Variants in DCAF8L2 observed in about 807,000 individuals in gnomAD.
DCAF8L2 encodes DDB1 and CUL4 associated factor 8 like 2.
For synonymous variants in DCAF8L2, 200 were observed against 190.9 expected (o/e 1.05, Z -0.39); for missense variants, 430 against 490.7 (o/e 0.88, Z 1.17).
At chrX:27,572,174 C>T in the DCAF8L2 span, among the ~76,000 whole-genome samples, 19 of 111,474 alleles carry the variant, frequency 1.7e-4, no homozygotes, top group Admixed American at 2.9e-4. Context: ...TGTAAGTGTC[C>T]TTGAGTACTC....
chrX:27,542,101 T>C, the DCAF8L2 span, among the ~76,000 whole-genome samples: 19 of 110,650 alleles, frequency 1.7e-4, no homozygotes, highest in African/African-American at 6.3e-4. Context: ...TAATCTACTG[T>C]TGATGAGCAT....
At chrX:27,551,547 G>A in the DCAF8L2 span, among the ~76,000 whole-genome samples, 1 of 111,451 alleles carries the variant, frequency 9.0e-6, no homozygotes, top group Non-Finnish European at 1.9e-5. Flanking sequence ...GCAATGGTCT[G>A]TAACTGAACC....
At chrX:27,551,669 C>CT in the DCAF8L2 span, among the ~76,000 whole-genome samples, 19 of 111,246 alleles carry the variant, frequency 1.7e-4, no homozygotes, top group African/African-American at 4.6e-4. Context: ...GATTTCATTA[C>CT]TTTTTTTATA....
At chrX:27,600,644 G>A (rs1926597631) in intron 1 of DCAF8L2, among the ~76,000 whole-genome samples, 1 of 112,029 alleles carries the variant, frequency 8.9e-6, no homozygotes, top group South Asian at 3.7e-4. Context: ...GGTCACTAAA[G>A]GAAAAGAGTG....
intron 3 of DCAF8L2, among the ~76,000 whole-genome samples, chrX:27,708,153 GCCTCCCTTC>G (rs1187979184): frequency 9.0e-6 from 1 of 110,969 alleles, no homozygotes; most frequent in Non-Finnish European, 1.9e-5. Context: ...TTCAACCCTT[GCCTCCCTTC>G]CCTCTCTAAT....
intron 1 of DCAF8L2, among the ~76,000 whole-genome samples, chrX:27,593,315 C>T (rs1359696138): frequency 1.8e-5 from 2 of 112,300 alleles, no homozygotes; most frequent in Non-Finnish European, 3.8e-5. Context: ...TAAGTGGACT[C>T]ATACAGTGTC....
intron 4 of DCAF8L2, among the ~76,000 whole-genome samples, chrX:27,720,575 T>A (rs1203332913): frequency 9.0e-6 from 1 of 110,649 alleles, no homozygotes; most frequent in Non-Finnish European, 1.9e-5. Context: ...GGGTTTCACC[T>A]TGTTAGCCAG....
At chrX:27,599,866 A>G (rs1926556117) in intron 1 of DCAF8L2, among the ~76,000 whole-genome samples, 1 of 112,256 alleles carries the variant, frequency 8.9e-6, no homozygotes, top group African/African-American at 3.2e-5. Context: ...AATTGATAAA[A>G]CATGTTGTGT....
At chrX:27,472,637 G>A in the DCAF8L2 span, among the ~76,000 whole-genome samples, 1 of 111,355 alleles carries the variant, frequency 9.0e-6, no homozygotes, top group African/African-American at 3.3e-5. Flanking sequence ...GTGAGAACAT[G>A]CGGTGTTTCG....
the DCAF8L2 span, among the ~76,000 whole-genome samples, chrX:27,525,716 C>A: frequency 2.1e-4 from 24 of 111,658 alleles, no homozygotes; most frequent in Non-Finnish European, 5.6e-5. Flanking sequence ...TCCTACAGGG[C>A]AGGCCTGGTG....
chrX:27,525,561 T>A, the DCAF8L2 span, among the ~76,000 whole-genome samples: 3 of 111,893 alleles, frequency 2.7e-5, no homozygotes, highest in African/African-American at 9.8e-5. Flanking sequence ...GTGAATTTGA[T>A]CTTGTCATTA....
Position 27,693,058 on chromosome X carries a change from G to A in DCAF8L2, c.-143+15146G>A, listed in dbSNP as rs139150704. On this transcript the variant is annotated intron_variant, in intron 3 of 4. Transcript: ENST00000451261. ...TTTTAACCACATTACTGATTAATTC[G>A]CGTGTGAATTATATTATGAGCCAAG... Among the ~76,000 whole-genome samples, 410 of 111,699 alleles carry A rather than the reference G, an allele frequency of 3.7e-3. 1 individual carries two copies. Among genetic ancestry groups the A allele is most frequent in the African/African-American group, 8.5e-3 (261 of 30,816 alleles).
the DCAF8L2 span, among the ~76,000 whole-genome samples, chrX:27,580,676 T>C: frequency 6.3e-5 from 7 of 111,650 alleles, no homozygotes; most frequent in Admixed American, 2.9e-4. Flanking sequence ...TAATACATAA[T>C]TGATGAACAC....
the DCAF8L2 span, among the ~76,000 whole-genome samples, chrX:27,531,596 T>A: frequency 8.9e-6 from 1 of 112,348 alleles, no homozygotes; most frequent in South Asian, 3.7e-4. Flanking sequence ...AATAAGTGTG[T>A]TTCCTTGATT....
In DCAF8L2 at chrX:27,747,297, G is replaced by A. The variant is rs867532957; in HGVS notation, c.402G>A (p.Glu134=). The change falls in exon 5 of 5, where the codon GAG becomes GAA. Residue 134 remains glutamate (E), a synonymous_variant. Coordinates refer to ENST00000451261, the MANE Select transcript of DCAF8L2 (RefSeq NM_001353450.2). Reference sequence around the variant, plus strand: ...AGGAGGAGGAAGAGGAGGAGGAGGAGGAGGAGGAGGAGGAGGAGGAGGAGG... The same window carrying A: ...AGGAGGAGGAAGAGGAGGAGGAGGAAGAGGAGGAGGAGGAGGAGGAGGAGG... ...GGEEEEEEEE[E]EEEEEEEEEE... The A allele has an allele frequency of 7.8e-6, 8 of 1,024,943 alleles. No individual in the cohort carries two copies. The highest frequency in any genetic ancestry group is 9.0e-6 in the Non-Finnish European group (7 of 780,918). The allele number at this position is 1,024,943 out of a possible 1,213,427, so 84.5% of individuals were successfully genotyped here.
chrX:27,701,785 T>G (rs3905591), intron 3 of DCAF8L2, among the ~76,000 whole-genome samples: 54,419 of 108,884 alleles, frequency 0.5, 10,315 homozygotes, highest in African/African-American at 0.64. Context: ...TAACATAAAC[T>G]TCCACATTGA....
intron 1 of DCAF8L2, among the ~76,000 whole-genome samples, chrX:27,601,328 A>T: frequency 8.9e-6 from 1 of 112,520 alleles, no homozygotes; most frequent in African/African-American, 3.2e-5. Flanking sequence ...TGTGAACCAC[A>T]TATGTAGGAA....
At chrX:27,564,031 G>A in the DCAF8L2 span, among the ~76,000 whole-genome samples, 1 of 111,775 alleles carries the variant, frequency 8.9e-6, no homozygotes, top group Non-Finnish European at 1.9e-5. Context: ...GTATTAGTCC[G>A]TTTTCATGCT....
At chrX:27,559,100 G>C in the DCAF8L2 span, among the ~76,000 whole-genome samples, 13 of 110,528 alleles carry the variant, frequency 1.2e-4, no homozygotes, top group African/African-American at 1.6e-4. Context: ...TAAGTTTCCT[G>C]AGGCCTCCCC....
Sources: allele counts gnomAD v4.1 joint callset (sites outside exome capture counted in the v4.1 genomes callset), GRCh38; gene constraint gnomAD v4.1.1; transcripts MANE v1.5; gene names NCBI Gene and HGNC (gene_info 2026-07-23, HGNC 2026-07-21).